FAM167A: variants seen among roughly 807,000 people sequenced by gnomAD.
FAM167A encodes family with sequence similarity 167 member A.
In FAM167A, 23 loss-of-function variants were observed where a neutral mutation model predicts 14.9. The observed-to-expected ratio is 1.55, with a 90% CI of 1.11 to 2.19. The LOEUF (loss-of-function observed/expected upper bound fraction) is 2.19. Among genes scored for constraint, FAM167A ranks in the 30% most tolerant of loss-of-function variants. The pLI is 0.00. For missense variants in FAM167A, 401 were observed against 281.5 expected (o/e 1.42, Z -3.04); for synonymous variants, 174 against 117.7 (o/e 1.48, Z -3.10).
chr8:11,446,245 T>C (rs993183915), intron 1 of FAM167A, among the ~76,000 whole-genome samples: 1 of 152,158 alleles, frequency 6.6e-6, no homozygotes, highest in African/African-American at 2.4e-5. Context: ...TCCAGACGTT[T>C]TCCTCAGCCC....
chr8:11,450,608 A>T (rs1328604952), intron 1 of FAM167A, among the ~76,000 whole-genome samples: 1 of 152,222 alleles, frequency 6.6e-6, no homozygotes, highest in Non-Finnish European at 1.5e-5. Flanking sequence ...CGCCTCTAGC[A>T]GACTCTCAAC....
upstream of FAM167A, among the ~76,000 whole-genome samples, chr8:11,472,508 C>T (rs1192545120): frequency 2.1e-5 from 3 of 142,700 alleles, no homozygotes; most frequent in Non-Finnish European, 4.5e-5. Context: ...GGCGTGATCT[C>T]GGCTCACTGC....
intron 2 of FAM167A, among the ~76,000 whole-genome samples, chr8:11,428,550 G>T (rs1488542485): frequency 6.6e-6 from 1 of 152,208 alleles, no homozygotes; most frequent in Non-Finnish European, 1.5e-5. Flanking sequence ...ATGAGGAGGG[G>T]GCTGGGAATT....
intron 2 of FAM167A, chr8:11,438,111 C>T (rs764362448): frequency 3.3e-5 from 15 of 456,554 alleles, no homozygotes; most frequent in Admixed American, 7.1e-5. Flanking sequence ...GGAAGCCAGG[C>T]GGCCAGTGGA....
Position 11,426,135 on chromosome 8 carries a change from G to C in FAM167A, c.382-1499C>G, listed in dbSNP as rs895269751. ...TCTTTCTACTGACTTCAAGTCTTTA[G>C]GCAAAACTTAACTCTTTCAATCAAC... On this transcript the variant is annotated intron_variant, in intron 2 of 2. Coordinates refer to ENST00000284486, the MANE Select transcript of FAM167A (RefSeq NM_053279.3). Among the ~76,000 whole-genome samples, 4 of 152,284 alleles carry C rather than the reference G, an allele frequency of 2.6e-5. No homozygotes were observed. The East Asian group carries it at 7.7e-4, about 29-fold the overall frequency.
At chr8:11,439,593 A>G (rs1806301376) in intron 2 of FAM167A, among the ~76,000 whole-genome samples, 1 of 151,964 alleles carries the variant, frequency 6.6e-6, no homozygotes, top group Non-Finnish European at 1.5e-5. Flanking sequence ...AGCCATAAAC[A>G]CCTCCTTGGT....
chr8:11,441,352 A>T (rs1217767185), intron 2 of FAM167A, among the ~76,000 whole-genome samples: 1 of 152,206 alleles, frequency 6.6e-6, no homozygotes, highest in Non-Finnish European at 1.5e-5. Flanking sequence ...CCCAGGGACT[A>T]ACAGAATAGT....
chr8:11,464,607 G>C (rs1025186149), intron 1 of FAM167A, among the ~76,000 whole-genome samples: 1 of 152,204 alleles, frequency 6.6e-6, no homozygotes, highest in Admixed American at 6.5e-5. Flanking sequence ...CCAGTTAGTG[G>C]CACGTGCGTG....
In FAM167A at chr8:11,431,566, G is replaced by A. The variant is rs927116158; in HGVS notation, c.382-6930C>T. Among the ~76,000 whole-genome samples, 78 of 152,304 alleles carry A rather than the reference G, an allele frequency of 5.1e-4. 1 individual carries two copies. The highest frequency in any genetic ancestry group is 1.7e-3 in the African/African-American group (71 of 41,564). On this transcript the variant is annotated intron_variant, in intron 2 of 2. Coordinates refer to ENST00000284486, the MANE Select transcript of FAM167A (RefSeq NM_053279.3). Reference sequence around the variant, plus strand: ...TACTGACATTTAAACAACAACAGCAGAGTCTGCAAATTTAGAGCAATCAGT... The same window carrying A: ...TACTGACATTTAAACAACAACAGCAAAGTCTGCAAATTTAGAGCAATCAGT...
chr8:11,445,638 C>A, intron 1 of FAM167A: 1 of 982,594 alleles, frequency 1.0e-6, no homozygotes, highest in African/African-American at 1.7e-5. Context: ...GAGGCATAAG[C>A]CCCAGCTCCT....
intron 2 of FAM167A, among the ~76,000 whole-genome samples, chr8:11,428,100 A>G (rs10089185): frequency 6.8e-6 from 1 of 147,782 alleles, no homozygotes; most frequent in African/African-American, 2.6e-5. Context: ...TCTTTTTGAA[A>G]AACTAGGAAC....
chr8:11,463,197 G>C (rs1040791158), intron 1 of FAM167A, among the ~76,000 whole-genome samples: 1 of 152,232 alleles, frequency 6.6e-6, no homozygotes, highest in Non-Finnish European at 1.5e-5. Context: ...TTCAGTGGCT[G>C]CTATCAAACA....
chr8:11,429,628 A>AGCCT (rs1805436404), intron 2 of FAM167A, among the ~76,000 whole-genome samples: 1 of 152,248 alleles, frequency 6.6e-6, no homozygotes, highest in Admixed American at 6.5e-5. Flanking sequence ...ATGGCCAGCC[A>AGCCT]GCCTATGGCA....
upstream of FAM167A, among the ~76,000 whole-genome samples, chr8:11,470,915 A>G (rs1300951898): frequency 6.6e-6 from 1 of 152,142 alleles, no homozygotes; most frequent in African/African-American, 2.4e-5. Context: ...ATCTCTCAGA[A>G]GAGGCTGATT....
intron 2 of FAM167A, among the ~76,000 whole-genome samples, chr8:11,441,345 A>G (rs1386593225): frequency 6.6e-6 from 1 of 152,212 alleles, no homozygotes; most frequent in Non-Finnish European, 1.5e-5. Context: ...AGTGTGGCCC[A>G]GGGACTAACA....
At position 11,421,832 on chromosome 8, in the gene FAM167A, G is replaced by A; in HGVS notation, c.*2541C>T. ...AGCACTGTACACATGTGGTGAGCCAGGAGGCTGGGACGGAGGTTAGGCCAA... is the reference window on the plus strand; with the variant it reads ...AGCACTGTACACATGTGGTGAGCCAAGAGGCTGGGACGGAGGTTAGGCCAA... On this transcript the variant is annotated 3_prime_UTR_variant, in exon 3 of 3. Coordinates refer to ENST00000284486, the MANE Select transcript of FAM167A (RefSeq NM_053279.3). 2.5e-6 allele frequency: 1 copy of A among 398,774 alleles called. No homozygotes were observed. The allele number at this position is 398,774 out of a possible 1,614,324, so 24.7% of individuals were successfully genotyped here. A position where few individuals can be genotyped will look rare whatever the true frequency, so the allele number is the denominator to read the frequency against.
chr8:11,454,579 G>C (rs1053166794), intron 1 of FAM167A, among the ~76,000 whole-genome samples: 1 of 152,208 alleles, frequency 6.6e-6, no homozygotes, highest in South Asian at 2.1e-4. Flanking sequence ...GAGGCTCTAA[G>C]GGGTTTCATA....
chr8:11,471,348 C>T (rs538124611), upstream of FAM167A, among the ~76,000 whole-genome samples: 12 of 152,152 alleles, frequency 7.9e-5, no homozygotes, highest in Non-Finnish European at 1.3e-4. Flanking sequence ...GAGCGCATCA[C>T]GGCTCTCCTA....
At chr8:11,443,340 G>C (rs1402666441) in intron 2 of FAM167A, among the ~76,000 whole-genome samples, 2 of 152,216 alleles carry the variant, frequency 1.3e-5, no homozygotes. Context: ...GAGCAGGAAA[G>C]TGACCGCGCT....
Sources: allele counts gnomAD v4.1 joint callset (sites outside exome capture counted in the v4.1 genomes callset), GRCh38; gene constraint gnomAD v4.1.1; transcripts MANE v1.5; gene names NCBI Gene and HGNC (gene_info 2026-07-23, HGNC 2026-07-21).